Variants in CEP83 observed in about 807,000 individuals in gnomAD.
CEP83 encodes the protein centrosomal protein of 83 kDa.
CEP83 carries 70 observed loss-of-function variants against 101.9 expected under a neutral mutation model. The observed-to-expected ratio is 0.69, with a 90% confidence interval of 0.57 to 0.84. The LOEUF is 0.84. Among genes scored for constraint, CEP83 ranks in the 40% least tolerant of loss-of-function variants. The pLI is 0.00. For missense variants in CEP83, 715 were observed against 787.2 expected (o/e 0.91, Z 1.10); for synonymous variants, 264 against 267.9 (o/e 0.99, Z 0.14).
chr12:94,431,595 T>TAA (rs572489191), intron 2 of CEP83, among the ~76,000 whole-genome samples: 2 of 126,932 alleles, frequency 1.6e-5, no homozygotes, highest in African/African-American at 2.9e-5. Context: ...AACTTAACGG[T>TAA]AAAAAAAAAA....
chr12:94,283,887 C>T, the CEP83 span, among the ~76,000 whole-genome samples: 1 of 152,074 alleles, frequency 6.6e-6, no homozygotes, highest in African/African-American at 2.4e-5. Context: ...AGTCCAACAC[C>T]AGCCTGGCCA....
chr12:94,397,675 C>G (rs2062987105), intron 6 of CEP83, among the ~76,000 whole-genome samples: 1 of 152,188 alleles, frequency 6.6e-6, no homozygotes, highest in South Asian at 2.1e-4. Context: ...ATAATCCTTA[C>G]CAGATAAGTA....
At chr12:94,331,646 A>G in intron 14 of CEP83, 54 bp downstream of exon 14, 1 of 1,567,134 alleles carries the variant, frequency 6.4e-7, no homozygotes, top group Middle Eastern at 1.7e-4. Context: ...TGCTGGGATT[A>G]CAGGTGTGAG....
At chr12:94,342,950 T>C (rs1323011204) in intron 11 of CEP83, among the ~76,000 whole-genome samples, 1 of 151,872 alleles carries the variant, frequency 6.6e-6, no homozygotes, top group Non-Finnish European at 1.5e-5. Flanking sequence ...AACACAGTAA[T>C]AATAGGAGAC....
chr12:94,454,143 T>G (rs2067464240), intron 1 of CEP83, among the ~76,000 whole-genome samples: 1 of 151,800 alleles, frequency 6.6e-6, no homozygotes, highest in Admixed American at 6.6e-5. Flanking sequence ...TGCTTAGTGA[T>G]CTCAGCTTTC....
chr12:94,372,763 C>T (rs1409611375), intron 8 of CEP83, among the ~76,000 whole-genome samples: 1 of 152,206 alleles, frequency 6.6e-6, no homozygotes, highest in Admixed American at 6.5e-5. Flanking sequence ...CAAGTGAGGT[C>T]TGTCTTCAGG....
chr12:94,286,974 C>T, the CEP83 span, among the ~76,000 whole-genome samples: 2 of 152,310 alleles, frequency 1.3e-5, no homozygotes, highest in East Asian at 3.9e-4. Flanking sequence ...CTGGCAGGGC[C>T]CTGTCACCTA....
At chr12:94,454,481 T>C in intron 1 of CEP83, among the ~76,000 whole-genome samples, 1 of 152,192 alleles carries the variant, frequency 6.6e-6, no homozygotes. Flanking sequence ...ATCAGCACTC[T>C]GTAAAAACGG....
chr12:94,395,197 C>T (rs988517640), intron 6 of CEP83, among the ~76,000 whole-genome samples: 8 of 151,144 alleles, frequency 5.3e-5, no homozygotes, highest in African/African-American at 1.9e-4. Flanking sequence ...GGGTGGGGGC[C>T]TGGGGGAGGG....
downstream of CEP83, among the ~76,000 whole-genome samples, chr12:94,304,538 G>GAC (rs1252166930): frequency 3.3e-5 from 5 of 152,022 alleles, no homozygotes; most frequent in Admixed American, 1.3e-4. Flanking sequence ...AATTCAAACA[G>GAC]ACACATTCAT....
At chr12:94,272,776 C>G in the CEP83 span, among the ~76,000 whole-genome samples, 9 of 152,190 alleles carry the variant, frequency 5.9e-5, no homozygotes, top group Non-Finnish European at 1.2e-4. Flanking sequence ...AACAGAAGCT[C>G]TGTAAAAATG....
At chr12:94,343,813 G>C (rs991552618) in intron 11 of CEP83, among the ~76,000 whole-genome samples, 6 of 152,106 alleles carry the variant, frequency 3.9e-5, no homozygotes, top group Non-Finnish European at 5.9e-5. Flanking sequence ...TTTTAAAAAG[G>C]TTCTCCTACC....
In CEP83 at chr12:94,376,714, CACACACACACACACACACATATAT is replaced by C. The variant is rs1199903944; in HGVS notation, c.802-721_802-698del. 6.5e-5 allele frequency among the ~76,000 whole-genome samples: 8 copies of C among 122,640 alleles called. No individual in the cohort carries two copies. The East Asian group carries it at 1.6e-3, about 24-fold the overall frequency. 80.5% of individuals were successfully genotyped at this position (122,640 alleles called of 152,430 possible). On this transcript the variant is annotated intron_variant, in intron 7 of 16. Coordinates refer to ENST00000397809, the MANE Select transcript of CEP83 (RefSeq NM_016122.3). ...ATACACACACACACACACACACACA[CACACACACACACACACACATATAT>C]ATATATATATTTTTTTTTTGAGACA...
chr12:94,367,474 G>A (rs1209246605), intron 11 of CEP83, among the ~76,000 whole-genome samples: 1 of 152,038 alleles, frequency 6.6e-6, no homozygotes, highest in African/African-American at 2.4e-5. Flanking sequence ...TTGTCAAAGT[G>A]TTCATAAGTT....
At chr12:94,393,712 T>TAA (rs1174844091) in intron 6 of CEP83, among the ~76,000 whole-genome samples, 1 of 152,220 alleles carries the variant, frequency 6.6e-6, no homozygotes, top group Non-Finnish European at 1.5e-5. Flanking sequence ...TATGATTGTA[T>TAA]ATTTAGAAAA....
chr12:94,340,945 T>C (rs2059658433), intron 11 of CEP83, among the ~76,000 whole-genome samples: 2 of 152,216 alleles, frequency 1.3e-5, no homozygotes, highest in African/African-American at 4.8e-5. Flanking sequence ...GATCCAGGTG[T>C]CCCTGAAACC....
At chr12:94,285,302 A>C in the CEP83 span, among the ~76,000 whole-genome samples, 2 of 152,192 alleles carry the variant, frequency 1.3e-5, no homozygotes, top group African/African-American at 4.8e-5. Context: ...CCCAGGAAGA[A>C]GTGAGACTGT....
intron 6 of CEP83, among the ~76,000 whole-genome samples, chr12:94,396,280 C>CTTT (rs776434390): frequency 2.4e-4 from 22 of 90,942 alleles, no homozygotes; most frequent in African/African-American, 3.2e-4. Context: ...AAAAGCATGA[C>CTTT]TTTTTTTTTT....
chr12:94,412,831 G>A (rs2063983980), intron 2 of CEP83, among the ~76,000 whole-genome samples: 1 of 151,288 alleles, frequency 6.6e-6, no homozygotes, highest in Non-Finnish European at 1.5e-5. Context: ...TGGGATTACA[G>A]GCGCCTGCCA....
Sources: allele counts gnomAD v4.1 joint callset (sites outside exome capture counted in the v4.1 genomes callset), GRCh38; gene constraint gnomAD v4.1.1; transcripts MANE v1.5; gene names NCBI Gene and HGNC (gene_info 2026-07-23, HGNC 2026-07-21).